BORCS5: variants seen among roughly 807,000 people sequenced by gnomAD.
BORCS5 encodes BLOC-1-related complex subunit 5.
BORCS5 carries 17 observed loss-of-function variants against 22.1 expected under a neutral mutation model. That is an observed-to-expected ratio of 0.77 (90% CI 0.53 to 1.15). The LOEUF is 1.15. BORCS5 is among the 50% of genes most tolerant of loss of function. The probability of loss-of-function intolerance (pLI) is 0.00; values close to 1 mark genes in which losing one functional copy is unlikely to be tolerated. For missense variants in BORCS5, 247 were observed against 253.2 expected (o/e 0.98, Z 0.17); for synonymous variants, 117 against 99.8 (o/e 1.17, Z -1.03).
At chr12:12,383,399 G>T (rs1279230424) in intron 2 of BORCS5, among the ~76,000 whole-genome samples, 1 of 151,432 alleles carries the variant, frequency 6.6e-6, no homozygotes, top group Non-Finnish European at 1.5e-5. Context: ...GAAGTTAAGA[G>T]AAGGTGTGAA....
intron 3 of BORCS5, among the ~76,000 whole-genome samples, chr12:12,463,490 G>A (rs1012652423): frequency 1.1e-4 from 17 of 152,284 alleles, no homozygotes; most frequent in African/African-American, 4.1e-4. Flanking sequence ...GTGTAAAAGA[G>A]GGGAGCTGCT....
At chr12:12,441,756 A>C (rs898209013) in intron 3 of BORCS5, among the ~76,000 whole-genome samples, 13 of 152,136 alleles carry the variant, frequency 8.5e-5, no homozygotes, top group African/African-American at 2.9e-4. Context: ...GTTTCCTTCA[A>C]ACCCTGCAGG....
intron 3 of BORCS5, among the ~76,000 whole-genome samples, 197 bp from the exon 4 acceptor site, chr12:12,465,349 C>A (rs1205712850): frequency 3.3e-5 from 5 of 152,142 alleles, no homozygotes; most frequent in African/African-American, 1.2e-4. Context: ...CCTCTCAGTT[C>A]TCTTCTAAAG....
At chr12:12,399,992 GT>G (rs1293863763) in intron 2 of BORCS5, among the ~76,000 whole-genome samples, 1 of 152,194 alleles carries the variant, frequency 6.6e-6, no homozygotes, top group Non-Finnish European at 1.5e-5. Flanking sequence ...CAAATTAAAT[GT>G]TATTAAATAA....
chr12:12,361,798 C>T (rs886840136), intron 2 of BORCS5, among the ~76,000 whole-genome samples: 3 of 152,094 alleles, frequency 2.0e-5, no homozygotes, highest in Non-Finnish European at 4.4e-5. Flanking sequence ...AGTTCAGATC[C>T]ATAGAGAAAA....
At chr12:12,382,392 A>G (rs1274176227) in intron 2 of BORCS5, among the ~76,000 whole-genome samples, 1 of 150,994 alleles carries the variant, frequency 6.6e-6, no homozygotes, top group Non-Finnish European at 1.5e-5. Context: ...TTCTTGAGGG[A>G]TCTGCTCTTA....
chr12:12,416,051 G>A (rs994909656), intron 2 of BORCS5, among the ~76,000 whole-genome samples: 1 of 152,108 alleles, frequency 6.6e-6, no homozygotes, highest in African/African-American at 2.4e-5. Flanking sequence ...GCCTTGGTAG[G>A]TTCTAGTTCT....
chr12:12,412,922 T>A, intron 2 of BORCS5, among the ~76,000 whole-genome samples: 2 of 134,328 alleles, frequency 1.5e-5, no homozygotes, highest in Non-Finnish European at 3.3e-5. Flanking sequence ...TTTTTTTTTT[T>A]TTTATTGATA....
intron 2 of BORCS5, among the ~76,000 whole-genome samples, chr12:12,370,190 A>G (rs1432921690): frequency 6.6e-6 from 1 of 152,116 alleles, no homozygotes; most frequent in African/African-American, 2.4e-5. Context: ...AAATAACTAT[A>G]TATAGAATGT....
At chr12:12,370,880 C>G (rs1462743190) in intron 2 of BORCS5, among the ~76,000 whole-genome samples, 3 of 151,844 alleles carry the variant, frequency 2.0e-5, no homozygotes, top group Non-Finnish European at 4.4e-5. Context: ...TGCCGAGTAG[C>G]TGGGACTACA....
At chr12:12,403,885 T>C (rs1174540561) in intron 2 of BORCS5, among the ~76,000 whole-genome samples, 2 of 152,178 alleles carry the variant, frequency 1.3e-5, no homozygotes, top group African/African-American at 4.8e-5. Flanking sequence ...GCAGGATATA[T>C]TGTGTATTTT....
chr12:12,403,963 A>G (rs117513888), intron 2 of BORCS5, among the ~76,000 whole-genome samples: 1 of 152,304 alleles, frequency 6.6e-6, no homozygotes, highest in East Asian at 1.9e-4. Flanking sequence ...TATCACTTTT[A>G]TCTTGTAGTT....
chr12:12,382,535 T>A lies in BORCS5; in HGVS notation c.202+21186T>A, dbSNP rs886271238. On this transcript the variant is annotated intron_variant, in intron 2 of 3. Transcript: ENST00000314565. ...TTATGGTTCTATGATGGTATATATC[T>A]TTTTTTTTTTTTTTTTTGAGACAAA... is the stretch of plus-strand genomic sequence containing the variant. Among the ~76,000 whole-genome samples, 691 of 101,636 alleles carry A rather than the reference T, an allele frequency of 6.8e-3. 20 individuals are homozygous for A. The highest frequency in any genetic ancestry group is 0.052 in the African/African-American group (637 of 12,272). The allele number at this position is 101,636 out of a possible 152,430, so 66.7% of individuals were successfully genotyped here. A position where few individuals can be genotyped will look rare whatever the true frequency, so the allele number is the denominator to read the frequency against.
chr12:12,416,956 A>ATT (rs763610980), intron 2 of BORCS5, among the ~76,000 whole-genome samples: 1 of 133,986 alleles, frequency 7.5e-6, no homozygotes, highest in Non-Finnish European at 1.6e-5. Flanking sequence ...TACTTTTTGT[A>ATT]TTTTTTTTTT....
At chr12:12,409,002 AG>A (rs2136082620) in intron 2 of BORCS5, among the ~76,000 whole-genome samples, 2 of 152,198 alleles carry the variant, frequency 1.3e-5, no homozygotes, top group South Asian at 4.1e-4. Context: ...TAATTTTTTG[AG>A]GAACCACCAC....
intron 2 of BORCS5, among the ~76,000 whole-genome samples, chr12:12,430,479 A>G (rs1313948837): frequency 1.3e-5 from 2 of 152,156 alleles, no homozygotes; most frequent in Non-Finnish European, 1.5e-5. Flanking sequence ...GTGTTCGGCC[A>G]TATGAACTTT....
In BORCS5 at chr12:12,386,746, A is replaced by G. The variant is rs574665017; in HGVS notation, c.202+25397A>G. ...CGGCCTCCCAAAGTGCTGGGATTAC[A>G]GGTGCCAGCCACCGTGCCCGGCCTT... is the stretch of plus-strand genomic sequence containing the variant. On this transcript the variant is annotated intron_variant, in intron 2 of 3. Transcript: ENST00000314565. Among the ~76,000 whole-genome samples the G allele has an allele frequency of 2.0e-5, 3 of 151,438 alleles. No homozygotes were observed. The East Asian group carries it at 5.8e-4, about 29-fold the overall frequency.
At chr12:12,448,879 C>G (rs893080489) in intron 3 of BORCS5, among the ~76,000 whole-genome samples, 1 of 152,124 alleles carries the variant, frequency 6.6e-6, no homozygotes, top group Non-Finnish European at 1.5e-5. Context: ...CTGCTCATGC[C>G]CAATGTTCAA....
At chr12:12,399,142 G>A (rs1941415542) in intron 2 of BORCS5, among the ~76,000 whole-genome samples, 1 of 152,166 alleles carries the variant, frequency 6.6e-6, no homozygotes, top group South Asian at 2.1e-4. Flanking sequence ...AGTTTTCTTT[G>A]TTGTTCCTTA....
Sources: gnomAD v4.1 joint callset for allele counts (sites outside exome capture counted in the v4.1 genomes callset) on GRCh38, gnomAD v4.1.1 for gene constraint, MANE v1.5 for transcripts, NCBI Gene and HGNC (gene_info 2026-07-23, HGNC 2026-07-21) for gene names.